The following COX7A2L variants were observed in gnomAD, a reference collection of about 807,000 sequenced individuals.
The protein encoded by COX7A2L is cytochrome c oxidase subunit 7A2 like.
COX7A2L carries 18 observed loss-of-function variants against 14.2 expected under a neutral mutation model. The ratio of observed to expected loss-of-function variants is 1.27; its 90% confidence interval spans 0.88 to 1.88. The LOEUF (loss-of-function observed/expected upper bound fraction) is 1.88, where lower values mean the gene tolerates loss of function less well. Among genes scored for constraint, COX7A2L ranks in the 40% most tolerant of loss-of-function variants. The pLI, the probability that COX7A2L is intolerant of heterozygous loss-of-function variation, is 0.00. For synonymous variants in COX7A2L, 65 were observed against 57.4 expected, an observed-to-expected ratio of 1.13 and a Z score of -0.60; for missense variants, 179 against 138.8, an observed-to-expected ratio of 1.29 and a Z score of -1.46.
upstream of COX7A2L, among the ~76,000 whole-genome samples, chr2:42,365,302 A>G (rs963303751): frequency 3.3e-5 from 5 of 152,200 alleles, no homozygotes; most frequent in African/African-American, 1.2e-4. Context: ...GTGAGCATAC[A>G]TGAGTTCTGT....
At chr2:42,344,511 CTAT>C (rs1670458151), downstream of COX7A2L, among the ~76,000 whole-genome samples, 1 of 152,172 alleles carries the variant, frequency 6.6e-6, no homozygotes, top group African/African-American at 2.4e-5. Flanking sequence ...ATTACAATTA[CTAT>C]TAGTACATAT....
chr2:42,335,855 G>T (rs189614572), intron 2 of COX7A2L, among the ~76,000 whole-genome samples: 1 of 152,156 alleles, frequency 6.6e-6, no homozygotes, highest in African/African-American at 2.4e-5. Context: ...ACTTTGAATC[G>T]TGTCAAGAGG....
chr2:42,357,638 A>G (rs890244111), intron 1 of COX7A2L, among the ~76,000 whole-genome samples: 10 of 152,024 alleles, frequency 6.6e-5, no homozygotes, highest in Non-Finnish European at 1.5e-4. Flanking sequence ...GGTAAGCTAG[A>G]CATCACCACC....
At chr2:42,363,448 TGTACCAG>T (rs1213917559), upstream of COX7A2L, among the ~76,000 whole-genome samples, 1 of 152,210 alleles carries the variant, frequency 6.6e-6, no homozygotes. Flanking sequence ...AGCACTAAGG[TGTACCAG>T]CTTCTTTTAT....
chr2:42,338,208 C>G lies in COX7A2L; in HGVS notation c.193-4339G>C, dbSNP rs1007847328. Among the ~76,000 whole-genome samples the G allele has an allele frequency of 6.6e-5, 10 of 152,212 alleles. No individual in the cohort carries two copies. The highest frequency in any genetic ancestry group is 2.4e-4 in the African/African-American group (10 of 41,460). On this transcript the variant is annotated intron_variant, in intron 2 of 2. Transcript: ENST00000468711. The surrounding 1 kb of genome is among the most constrained non-coding windows in gnomAD (Gnocchi z 4.4). ...TTCCGTGTTTCTCCCCCAGCCGCAGCGGCCAGGGAGCCGCTCCTCGTCTTG... is the reference window on the plus strand; with the variant it reads ...TTCCGTGTTTCTCCCCCAGCCGCAGGGGCCAGGGAGCCGCTCCTCGTCTTG...
rs533397549 is a variant in COX7A2L, at chr2:42,358,047, C to T, written c.72+3043G>A. 1.9e-3 allele frequency among the ~76,000 whole-genome samples: 292 copies of T among 152,326 alleles called. 1 individual carries two copies. The highest frequency in any genetic ancestry group is 6.3e-3 in the African/African-American group (262 of 41,572). On this transcript the variant is annotated intron_variant, in intron 1 of 2. Coordinates refer to ENST00000234301, the MANE Select transcript of COX7A2L (RefSeq NM_004718.4). ...TAGATCACACAGTAAAATTACGTTT[C>T]CTTTTTTAACAAACTGCCAAACTGT...
intron 2 of COX7A2L, among the ~76,000 whole-genome samples, chr2:42,343,638 C>A (rs1317498975): frequency 6.6e-6 from 1 of 152,170 alleles, no homozygotes; most frequent in Non-Finnish European, 1.5e-5. Flanking sequence ...TCACTGGGAC[C>A]AGGCAGTATC....
chr2:42,353,466 C>A (rs1445026298), intron 1 of COX7A2L, 123 bp from the exon 2 acceptor site: 6 of 1,319,550 alleles, frequency 4.5e-6, no homozygotes, highest in Non-Finnish European at 6.3e-6. Flanking sequence ...CCAGAGCAAA[C>A]CCTGTCAAGA....
In COX7A2L at chr2:42,361,085, C is replaced by T. The variant is rs762232539; in HGVS notation, c.72+5G>A. On this transcript the variant is annotated splice_donor_5th_base_variant and intron_variant, in intron 1 of 2. Transcript: ENST00000234301. ...ATGTCCGAGCTGGCCAGGCGCCACT[C>T]GTACCTGCGGGCTATAGGCCTCCGA... 6.2e-7 allele frequency: 1 copy of T among 1,613,306 alleles called. No homozygotes were observed. The highest frequency in any genetic ancestry group is 1.3e-5 in the African/African-American group (1 of 75,052).
chr2:42,339,025 G>A lies in COX7A2L; in HGVS notation c.193-5156C>T, dbSNP rs1335026634. ...GCCTGCATCACAGTCACCCGTGTTT[G>A]CACTGGAAGCCATGGGCAACGCAAC... On this transcript the variant is annotated intron_variant, in intron 2 of 2. Transcript: ENST00000468711. The surrounding 1 kb of genome is among the most constrained non-coding windows in gnomAD (Gnocchi z 5.4). 6.6e-6 allele frequency among the ~76,000 whole-genome samples: 1 copy of A among 152,200 alleles called. No homozygotes were observed. Among genetic ancestry groups the A allele is most frequent in the Non-Finnish European group, 1.5e-5 (1 of 68,038 alleles).
downstream of COX7A2L, among the ~76,000 whole-genome samples, chr2:42,345,174 G>A (rs1670471302): frequency 6.6e-6 from 1 of 152,098 alleles, no homozygotes; most frequent in Non-Finnish European, 1.5e-5. Flanking sequence ...CCTGAGGTCA[G>A]GAGTTCGAGA....
intron 2 of COX7A2L, among the ~76,000 whole-genome samples, chr2:42,344,319 T>C (rs1670454003): frequency 1.3e-5 from 2 of 152,206 alleles, no homozygotes; most frequent in Admixed American, 1.3e-4. Flanking sequence ...ACACGTGTTT[T>C]TCCATTCCAC....
At chr2:42,341,389 A>G (rs1219980714) in intron 2 of COX7A2L, among the ~76,000 whole-genome samples, 2 of 152,162 alleles carry the variant, frequency 1.3e-5, no homozygotes, top group Non-Finnish European at 2.9e-5. Context: ...TGGGCAGACC[A>G]TGCCTCACTT....
Position 42,338,153 on chromosome 2 carries a change from C to T in COX7A2L, c.193-4284G>A, listed in dbSNP as rs896921615. On this transcript the variant is annotated intron_variant, in intron 2 of 2. Transcript: ENST00000468711. This position sits in a 1 kb window ranked among gnomAD's most constrained non-coding sequence, Gnocchi z 4.4. ...GGTCCATAACCCTACTCCCCATGCT[C>T]CTGGCCCACATGCAAGGCAGAGACA... Among the ~76,000 whole-genome samples, 3 of 152,190 alleles carry T rather than the reference C, an allele frequency of 2.0e-5. No individual in the cohort carries two copies. The highest frequency in any genetic ancestry group is 7.2e-5 in the African/African-American group (3 of 41,464).
downstream of COX7A2L, among the ~76,000 whole-genome samples, chr2:42,349,069 G>A (rs780435976): frequency 1.3e-5 from 2 of 152,120 alleles, no homozygotes. Flanking sequence ...TCCTCAAAAT[G>A]TTAAACAGAG....
Position 42,361,129 on chromosome 2 carries a change from C to A in COX7A2L, c.33G>T (p.Lys11Asn). The A allele has an allele frequency of 6.2e-7, 1 of 1,613,932 alleles. No homozygotes were observed. The highest frequency in any genetic ancestry group is 8.5e-7 in the Non-Finnish European group (1 of 1,179,952). Residue 11 changes from lysine (K) to asparagine (N), a missense_variant, in exon 1 of 3, where the codon AAG (lysine) becomes AAT (asparagine). Transcript: ENST00000234301. Reference protein sequence around the residue: MYYKFSGFTQKLAGAWASEAY... With the variant: MYYKFSGFTQNLAGAWASEAY... The stretch of plus-strand genomic sequence containing the variant: ...CCTCCGAAGCCCATGCTCCTGCCAA[C>A]TTCTGCGTGAAGCCACTAAACTTGT...
At chr2:42,363,287 G>A (rs1671098745), upstream of COX7A2L, among the ~76,000 whole-genome samples, 4 of 152,162 alleles carry the variant, frequency 2.6e-5, no homozygotes, top group South Asian at 8.3e-4. Flanking sequence ...AGTCCCAGGC[G>A]CTAGCAAATA....
At chr2:42,368,018 C>A (rs1235533871) in intron 1 of COX7A2L, among the ~76,000 whole-genome samples, 1 of 152,214 alleles carries the variant, frequency 6.6e-6, no homozygotes, top group Non-Finnish European at 1.5e-5. Flanking sequence ...TTTTCTCCCC[C>A]TGGGAAGAAG....
intron 1 of COX7A2L, among the ~76,000 whole-genome samples, chr2:42,366,344 A>C (rs1046271370): frequency 2.0e-5 from 3 of 152,214 alleles, no homozygotes; most frequent in Admixed American, 1.3e-4. Context: ...GGATCACCTG[A>C]GCCCAGGAGG....
Sources: gnomAD v4.1 joint callset for allele counts (sites outside exome capture counted in the v4.1 genomes callset) on GRCh38, gnomAD v4.1.1 for gene constraint, Gnocchi (gnomAD v3.1) non-coding constraint, MANE v1.5 for transcripts, NCBI Gene and HGNC (gene_info 2026-07-23, HGNC 2026-07-21) for gene names.